TMEM108: variants seen among roughly 807,000 people sequenced by gnomAD.
TMEM108 encodes cancer/testis antigen 124.
Under a neutral mutation model 35.1 loss-of-function variants are expected in TMEM108, and 12 were observed. That is an observed-to-expected ratio of 0.34 (90% CI 0.22 to 0.55). The LOEUF is 0.55. Among genes scored for constraint, TMEM108 ranks in the 20% least tolerant of loss-of-function variants. The pLI is 0.89. For synonymous variants in TMEM108, 287 were observed against 308.6 expected (o/e 0.93, Z 0.73); for missense variants, 680 against 753.3 (o/e 0.90, Z 1.14).
At chr3:133,384,701 G>A (rs377144752) in intron 4 of TMEM108, among the ~76,000 whole-genome samples, 5 of 152,304 alleles carry the variant, frequency 3.3e-5, no homozygotes, top group Admixed American at 6.5e-5. Flanking sequence ...CACGCCTGGC[G>A]CTGAATTGGT....
At chr3:133,257,043 G>A (rs1208588138) in intron 3 of TMEM108, 1 of 152,174 alleles carries the variant, frequency 6.6e-6, no homozygotes, top group African/African-American at 2.4e-5. Context: ...ATGTCAAAAT[G>A]CCTGCAAGGA....
At chr3:133,161,109 C>A (rs892957777) in intron 2 of TMEM108, among the ~76,000 whole-genome samples, 3 of 152,220 alleles carry the variant, frequency 2.0e-5, no homozygotes, top group Admixed American at 2.0e-4. Context: ...GCCTGCATAA[C>A]CCCACATGAT....
At chr3:133,370,108 A>C (rs1482928812) in intron 3 of TMEM108, among the ~76,000 whole-genome samples, 1 of 148,574 alleles carries the variant, frequency 6.7e-6, no homozygotes, top group East Asian at 1.9e-4. Flanking sequence ...ATATGGATAC[A>C]TTATTATTAA....
chr3:133,222,207 T>C (rs1946002913), intron 2 of TMEM108, among the ~76,000 whole-genome samples: 2 of 152,132 alleles, frequency 1.3e-5, no homozygotes, highest in Non-Finnish European at 2.9e-5. Context: ...TTTGGCAATT[T>C]TTTTTTCCTT....
chr3:133,391,280 C>T (rs542022074), intron 5 of TMEM108, among the ~76,000 whole-genome samples: 2 of 152,254 alleles, frequency 1.3e-5, no homozygotes, highest in East Asian at 3.9e-4. Flanking sequence ...GAAAGACAGA[C>T]TAAAAATAGG....
intron 3 of TMEM108, among the ~76,000 whole-genome samples, chr3:133,280,077 T>A (rs1946891892): frequency 6.6e-6 from 1 of 151,932 alleles, no homozygotes. Context: ...TTAAGAAGGA[T>A]TTAAAAGATC....
At chr3:133,375,919 A>C (rs998356719) in intron 3 of TMEM108, among the ~76,000 whole-genome samples, 1 of 152,202 alleles carries the variant, frequency 6.6e-6, no homozygotes, top group Non-Finnish European at 1.5e-5. Context: ...TGTAACATGT[A>C]AACATCATCC....
At position 133,383,047 on chromosome 3, in the gene TMEM108, G is replaced by A. The variant is rs73209855; in HGVS notation, c.1450+1886G>A. On this transcript the variant is annotated intron_variant, in intron 4 of 5. Transcript: ENST00000321871. Reference sequence around the variant, plus strand: ...CACATTTATTCTTAAAACTGCAGTTGCCCACTTCTAAAACAGAAGAATGAT... The same window carrying A: ...CACATTTATTCTTAAAACTGCAGTTACCCACTTCTAAAACAGAAGAATGAT... Among the ~76,000 whole-genome samples, 841 of 152,302 alleles carry A rather than the reference G, an allele frequency of 5.5e-3. 2 individuals carry two copies. Among genetic ancestry groups the A allele is most frequent in the Middle Eastern group, 0.014 (4 of 294 alleles).
intron 2 of TMEM108, among the ~76,000 whole-genome samples, chr3:133,213,197 C>T (rs1372695882): frequency 1.3e-5 from 2 of 152,180 alleles, no homozygotes; most frequent in Non-Finnish European, 2.9e-5. Context: ...TAACCAAAAG[C>T]AGCATGTCTG....
chr3:133,360,633 T>A (rs1849505), intron 3 of TMEM108, among the ~76,000 whole-genome samples: 22,910 of 152,210 alleles, frequency 0.15, 1,821 homozygotes, highest in South Asian at 0.22. Context: ...AGGTTCCCAC[T>A]CACCATGAGT....
intron 3 of TMEM108, among the ~76,000 whole-genome samples, chr3:133,289,633 T>C (rs59171035): frequency 0.12 from 17,901 of 152,240 alleles, 1,458 homozygotes; most frequent in East Asian, 0.38. Context: ...AATCCGACTG[T>C]GAGGTTTGAA....
At chr3:133,067,346 T>A (rs1943622101) in intron 2 of TMEM108, among the ~76,000 whole-genome samples, 1 of 152,214 alleles carries the variant, frequency 6.6e-6, no homozygotes, top group South Asian at 2.1e-4. Flanking sequence ...GCATTCTTTA[T>A]AAAGGTATTG....
chr3:133,209,320 A>G (rs1241862984), intron 2 of TMEM108, among the ~76,000 whole-genome samples: 1 of 152,034 alleles, frequency 6.6e-6, no homozygotes, highest in Non-Finnish European at 1.5e-5. Flanking sequence ...GATTATAGGC[A>G]TGAGCCACCA....
rs149676642 is a variant in TMEM108 at position 133,098,881 on chromosome 3, G to A, written c.-47+52861G>A. On this transcript the variant is annotated intron_variant, in intron 2 of 5. Coordinates refer to ENST00000321871, the MANE Select transcript of TMEM108 (RefSeq NM_023943.4). Reference sequence around the variant, plus strand: ...GCTTTCACGGGCTGGCGTTGAGTGCGGCTTTTCCAGGCACACAGTGCAAGC... The same window carrying A: ...GCTTTCACGGGCTGGCGTTGAGTGCAGCTTTTCCAGGCACACAGTGCAAGC... Among the ~76,000 whole-genome samples the A allele has an allele frequency of 7.9e-3, 1,199 of 152,238 alleles. 21 individuals are homozygous for A. Among genetic ancestry groups the A allele is most frequent in the African/African-American group, 0.027 (1,111 of 41,532 alleles).
chr3:133,083,471 C>T (rs1196777558), intron 2 of TMEM108, among the ~76,000 whole-genome samples: 1 of 152,138 alleles, frequency 6.6e-6, no homozygotes, highest in Non-Finnish European at 1.5e-5. Context: ...GTCCAACCTT[C>T]AGAAGTTTAC....
At chr3:133,320,654 C>T (rs1231654313) in intron 3 of TMEM108, among the ~76,000 whole-genome samples, 1 of 152,076 alleles carries the variant, frequency 6.6e-6, no homozygotes, top group African/African-American at 2.4e-5. Flanking sequence ...CATCCAAATA[C>T]AAGAAGCTCG....
chr3:133,386,736 G>A, intron 4 of TMEM108: 1 of 1,300,194 alleles, frequency 7.7e-7, no homozygotes, highest in East Asian at 3.0e-5. Flanking sequence ...GAGCTGCGCA[G>A]TTTACAAAAC....
At chr3:133,057,235 AT>A (rs1943475893) in intron 2 of TMEM108, among the ~76,000 whole-genome samples, 2 of 151,932 alleles carry the variant, frequency 1.3e-5, no homozygotes, top group South Asian at 4.2e-4. Context: ...AAGTCTATAA[AT>A]TTTGTTTTCT....
intron 3 of TMEM108, among the ~76,000 whole-genome samples, chr3:133,336,668 G>A (rs1268903353): frequency 6.6e-6 from 1 of 151,890 alleles, no homozygotes; most frequent in African/African-American, 2.4e-5. Flanking sequence ...AAAGTGGAGG[G>A]AAAAGTAAAA....
Sources: allele counts gnomAD v4.1 joint callset (sites outside exome capture counted in the v4.1 genomes callset), GRCh38; gene constraint gnomAD v4.1.1; transcripts MANE v1.5; gene names NCBI Gene and HGNC (gene_info 2026-07-23, HGNC 2026-07-21).